The following TGS1 variants were observed in gnomAD, a reference collection of about 807,000 sequenced individuals.
TGS1 encodes trimethylguanosine synthase 1.
TGS1 carries 69 observed loss-of-function variants against 92.2 expected under a neutral mutation model. The ratio of observed to expected loss-of-function variants is 0.75; its 90% confidence interval spans 0.62 to 0.91. The LOEUF (loss-of-function observed/expected upper bound fraction) is 0.91, where lower values mean the gene tolerates loss of function less well. Ranked by LOEUF, TGS1 falls within the 40% of genes least tolerant of loss-of-function variation. TGS1 has a pLI of 0.00. For missense variants in TGS1, 1,062 were observed against 1,001.2 expected (o/e 1.06, Z -0.82); for synonymous variants, 345 against 338.1 (o/e 1.02, Z -0.22).
Position 55,785,799 on chromosome 8 carries a change from G to C in TGS1, c.247G>C (p.Asp83His), listed in dbSNP as rs144111425. The change falls in exon 3 of 13, where the codon GAT (aspartate) becomes CAT (histidine). Residue 83 changes from aspartate (D) to histidine (H), a missense_variant. Transcript: ENST00000260129. ...ESHDSKGIGLDESELDSEAEL... is the reference protein window; with the variant it reads ...ESHDSKGIGLHESELDSEAEL... ...ACATGACAGCAAAGGCATAGGCCTG[G>C]ATGAAAGTGAACTTGATTCTGAGGC... is the stretch of plus-strand genomic sequence containing the variant. The C allele has an allele frequency of 4.3e-6, 7 of 1,613,852 alleles. No individual in the cohort carries two copies. In the African/African-American group the frequency reaches 8.0e-5, roughly 18 times the overall value.
chr8:55,786,973 G>C lies in TGS1; in HGVS notation c.1075G>C (p.Ala359Pro). 2 of 1,614,128 alleles carry C rather than the reference G, an allele frequency of 1.2e-6. No individual in the cohort carries two copies. The highest frequency in any genetic ancestry group is 2.2e-5 in the South Asian group (2 of 91,072). The change falls in exon 4 of 13, where the codon GCT becomes CCT. Residue 359 changes from alanine (A) to proline (P), a missense_variant. Coordinates refer to ENST00000260129, the MANE Select transcript of TGS1 (RefSeq NM_024831.8). ...AGTTAGTAGCAAAAGAGAGTGCCCT[G>C]CTTCCGGCCAAAGTGAACCACGTAA... ...SEVSSKRECP[A>P]SGQSEPRNGG...
intron 11 of TGS1, 65 bp downstream of exon 11, chr8:55,811,162 T>A (rs1317379034): frequency 8.2e-6 from 5 of 611,418 alleles, no homozygotes; most frequent in Non-Finnish European, 1.2e-5. Context: ...AGCATGAGAG[T>A]GAGAGAGGGA....
At chr8:55,784,901 C>T (rs1351591390) in intron 2 of TGS1, among the ~76,000 whole-genome samples, 3 of 152,196 alleles carry the variant, frequency 2.0e-5, no homozygotes, top group Non-Finnish European at 4.4e-5. Context: ...GTATTTTGCA[C>T]AGTGCCCAAC....
intron 8 of TGS1, 112 bp from the exon 9 acceptor site, chr8:55,802,345 A>C (rs1812241231): frequency 2.4e-6 from 2 of 843,598 alleles, no homozygotes; most frequent in Admixed American, 4.5e-5. Flanking sequence ...GCGTGTCATT[A>C]TATACATGTT....
At chr8:55,814,674 A>AAATATATATATATAT (rs1254531524) in intron 12 of TGS1, among the ~76,000 whole-genome samples, 10 of 123,328 alleles carry the variant, frequency 8.1e-5, no homozygotes, top group Admixed American at 3.3e-4. Context: ...AAAAAAAAAA[A>AAATATATATATATAT]ATATATATAT....
At position 55,825,705 on chromosome 8, in the gene TGS1, CTT is replaced by C. The variant is rs766514403; in HGVS notation, c.*1004_*1005del. Reference sequence around the variant, plus strand: ...AGAAAAATAGCTGTTATATAAATAACTTTGTTGGAATATGCTAATTTTAGTGT... The same window carrying C: ...AGAAAAATAGCTGTTATATAAATAACTGTTGGAATATGCTAATTTTAGTGT... On this transcript the variant is annotated 3_prime_UTR_variant, in exon 13 of 13. Transcript: ENST00000260129. 3.0e-4 allele frequency among the ~76,000 whole-genome samples: 45 copies of C among 152,170 alleles called. 1 individual carries two copies. Among genetic ancestry groups the C allele is most frequent in the Admixed American group, 1.1e-3 (17 of 15,276 alleles).
At position 55,773,596 on chromosome 8, in the gene TGS1, A is replaced by T. The variant is rs773877425; in HGVS notation, c.-23A>T. 3 of 1,595,364 alleles carry T rather than the reference A, an allele frequency of 1.9e-6. No individual in the cohort carries two copies. Among genetic ancestry groups the T allele is most frequent in the East Asian group, 2.3e-5 (1 of 43,490 alleles). On this transcript the variant is annotated 5_prime_UTR_variant, in exon 1 of 13. Coordinates refer to ENST00000260129, the MANE Select transcript of TGS1 (RefSeq NM_024831.8). ...AGGCGCGACCCGGGCTGCGTACGTC[A>T]GAGCTGCCTCCGAAGTGGTAAAATG...
rs764587945 is a variant in TGS1, at chr8:55,786,919, A to G, written c.1021A>G (p.Ser341Gly). The change falls in exon 4 of 13, where the codon AGT (serine) becomes GGT (glycine). Residue 341 changes from serine (S) to glycine (G), a missense_variant. By Grantham distance (56) the Ser-to-Gly change is moderately conservative. Transcript: ENST00000260129. The part of the protein sequence containing the change: ...VTQSQLDSCT[S>G]HDGHQQLSEV... ...ACAGAGCCAATTAGATTCCTGTACAAGTCATGATGGTCATCAACAGCTAAG... is the reference window on the plus strand; with the variant it reads ...ACAGAGCCAATTAGATTCCTGTACAGGTCATGATGGTCATCAACAGCTAAG... 3.1e-6 allele frequency: 5 copies of G among 1,614,196 alleles called. No homozygotes were observed. In the South Asian group the frequency reaches 3.3e-5, roughly 11 times the overall value.
At chr8:55,793,833 G>T (rs1811962511) in intron 6 of TGS1, among the ~76,000 whole-genome samples, 1 of 151,424 alleles carries the variant, frequency 6.6e-6, no homozygotes, top group Non-Finnish European at 1.5e-5. Context: ...GGCCAGGCTG[G>T]TCTCAAACTC....
intron 12 of TGS1, 96 bp from the exon 13 acceptor site, chr8:55,824,485 C>T: frequency 1.3e-6 from 2 of 1,507,980 alleles, no homozygotes; most frequent in Non-Finnish European, 1.8e-6. Context: ...ACTTAAAAGC[C>T]AGAGTCTTCC....
At position 55,824,425 on chromosome 8, in the gene TGS1, G is replaced by A. The variant is rs550420487; in HGVS notation, c.2440-156G>A. 3.9e-5 allele frequency among the ~76,000 whole-genome samples: 6 copies of A among 152,100 alleles called. No individual in the cohort carries two copies. In the South Asian group the frequency reaches 1.2e-3, roughly 32 times the overall value. On this transcript the variant is annotated intron_variant, in intron 12 of 12. Transcript: ENST00000260129. ...TATTCCCACCTCCAAATATTGCATC[G>A]ATGCCTGGGAAGTAGCAGTGAACAT... is the stretch of plus-strand genomic sequence containing the variant.
intron 1 of TGS1, 86 bp downstream of exon 1, chr8:55,773,805 C>G: frequency 1.8e-6 from 2 of 1,088,720 alleles, no homozygotes; most frequent in Non-Finnish European, 1.3e-6. Context: ...TAATTGATCC[C>G]TGAAAGCAGC....
intron 10 of TGS1, among the ~76,000 whole-genome samples, chr8:55,805,419 G>A (rs1812338214): frequency 6.6e-6 from 1 of 152,150 alleles, no homozygotes; most frequent in South Asian, 2.1e-4. Context: ...AACATAGGTA[G>A]ATACTAGTTT....
intron 8 of TGS1, among the ~76,000 whole-genome samples, chr8:55,800,950 A>C (rs1213389159): frequency 6.6e-6 from 1 of 152,208 alleles, no homozygotes; most frequent in African/African-American, 2.4e-5. Flanking sequence ...TAATTTGCTG[A>C]AGACTGAAAC....
rs779878784 is a variant in TGS1 at position 55,786,398 on chromosome 8, G to A, written c.500G>A (p.Arg167Lys). The A allele has an allele frequency of 2.5e-6, 4 of 1,613,612 alleles. No homozygotes were observed. Among genetic ancestry groups the A allele is most frequent in the East Asian group, 2.2e-5 (1 of 44,874 alleles). Residue 167 changes from arginine (R) to lysine (K), a missense_variant, in exon 4 of 13, where the codon AGA becomes AAA. Transcript: ENST00000260129. The stretch of plus-strand genomic sequence containing the variant: ...TCAATTGAACAGTATGAGAACACCA[G>A]AACATATGAACTTCAAAGCAAAAAA... ...PSSIEQYENT[R>K]TYELQSKKDT... is the part of the protein sequence containing the mutation.
intron 11 of TGS1, among the ~76,000 whole-genome samples, chr8:55,812,638 T>TA (rs1441000230): frequency 6.6e-6 from 1 of 151,712 alleles, no homozygotes; most frequent in African/African-American, 2.4e-5. Context: ...GAATTGAGAT[T>TA]ACGCTACTGC....
At chr8:55,788,966 C>T (rs957564733) in intron 4 of TGS1, among the ~76,000 whole-genome samples, 3 of 152,172 alleles carry the variant, frequency 2.0e-5, no homozygotes, top group Non-Finnish European at 4.4e-5. Flanking sequence ...GTCTCACAGT[C>T]TCTGCCTTCT....
At chr8:55,798,480 A>G (rs1360283514) in intron 7 of TGS1, among the ~76,000 whole-genome samples, 1 of 152,220 alleles carries the variant, frequency 6.6e-6, no homozygotes, top group Non-Finnish European at 1.5e-5. Context: ...CTTTGATGCT[A>G]AGTAACATTT....
chr8:55,800,437 G>T (rs886767568), intron 8 of TGS1, among the ~76,000 whole-genome samples: 4 of 152,170 alleles, frequency 2.6e-5, no homozygotes, highest in African/African-American at 9.7e-5. Context: ...AAGTGGCATA[G>T]CTAGGACTCA....
Sources: gnomAD v4.1 joint callset for allele counts (sites outside exome capture counted in the v4.1 genomes callset) on GRCh38, gnomAD v4.1.1 for gene constraint, MANE v1.5 for transcripts, NCBI Gene and HGNC (gene_info 2026-07-23, HGNC 2026-07-21) for gene names.